The following SLC24A4 variants were observed in gnomAD, a reference collection of about 807,000 sequenced individuals.
SLC24A4 encodes the protein solute carrier family 24 member 4, also known as sodium/potassium/calcium exchanger 4.
SLC24A4 carries 53 observed loss-of-function variants against 79.0 expected under a neutral mutation model. The observed-to-expected ratio is 0.67, with a 90% CI of 0.54 to 0.84. SLC24A4 has a LOEUF of 0.84. SLC24A4 is among the 40% of genes least tolerant of loss of function. SLC24A4 has a pLI of 0.00. For synonymous variants in SLC24A4, 323 were observed against 323.8 expected (o/e 1.00, Z 0.03); for missense variants, 731 against 822.0 (o/e 0.89, Z 1.35).
intron 2 of SLC24A4, among the ~76,000 whole-genome samples, chr14:92,336,104 G>A (rs537512820): frequency 9.2e-5 from 14 of 152,116 alleles, no homozygotes; most frequent in African/African-American, 1.4e-4. Flanking sequence ...TTGATGCAGC[G>A]TGGCCTACCA....
Position 92,441,982 on chromosome 14 carries a change from T to A in SLC24A4, c.394-107T>A, listed in dbSNP as rs1170737927. On this transcript the variant is annotated intron_variant, in intron 4 of 16. Transcript: ENST00000532405. This position sits in a 1 kb window ranked among gnomAD's most constrained non-coding sequence, Gnocchi z 4.6. ...GAGGCTGCAGGCAGACGAGTTTGCC[T>A]CTGGCTGCAGCACTGCTCTCCTGCA... 1.2e-6 allele frequency: 1 copy of A among 850,182 alleles called. No individual in the cohort carries two copies. The highest frequency in any genetic ancestry group is 1.9e-6 in the Non-Finnish European group (1 of 527,844). 52.7% of individuals were successfully genotyped at this position (850,182 alleles called of 1,614,324 possible).
At chr14:92,385,235 G>A (rs1196474282) in intron 2 of SLC24A4, among the ~76,000 whole-genome samples, 1 of 152,138 alleles carries the variant, frequency 6.6e-6, no homozygotes, top group Non-Finnish European at 1.5e-5. Context: ...GGCCAGGCGC[G>A]GTGGCTCATG....
chr14:92,373,141 A>T (rs1435620263), intron 2 of SLC24A4, among the ~76,000 whole-genome samples: 1 of 150,994 alleles, frequency 6.6e-6, no homozygotes, highest in Non-Finnish European at 1.5e-5. Flanking sequence ...CTGGGATTAC[A>T]GGTGCCCACC....
At chr14:92,467,966 T>C (rs897740616) in intron 12 of SLC24A4, among the ~76,000 whole-genome samples, 5 of 152,168 alleles carry the variant, frequency 3.3e-5, no homozygotes, top group Non-Finnish European at 7.3e-5. Context: ...GGCACCCAGA[T>C]GAGAGAGGAA....
At chr14:92,429,094 C>A (rs1166127559) in intron 2 of SLC24A4, among the ~76,000 whole-genome samples, 4 of 152,098 alleles carry the variant, frequency 2.6e-5, no homozygotes. Context: ...TGCCCACTTT[C>A]TTATTTCTGC....
intron 12 of SLC24A4, among the ~76,000 whole-genome samples, chr14:92,469,102 A>T (rs1489219374): frequency 6.6e-6 from 1 of 152,158 alleles, no homozygotes; most frequent in Non-Finnish European, 1.5e-5. Flanking sequence ...TCATGATGAG[A>T]TGCCATTTCA....
intron 3 of SLC24A4, among the ~76,000 whole-genome samples, chr14:92,438,041 C>A (rs113187726): frequency 6.6e-6 from 1 of 152,264 alleles, no homozygotes; most frequent in East Asian, 1.9e-4. Flanking sequence ...CAGCAGACAC[C>A]AGCTGGGTGT....
At chr14:92,454,611 TG>T (rs1337326479) in intron 11 of SLC24A4, among the ~76,000 whole-genome samples, 1 of 152,272 alleles carries the variant, frequency 6.6e-6, no homozygotes, top group African/African-American at 2.4e-5. Flanking sequence ...CTTTGTTGCA[TG>T]TGTGCATTTT....
At chr14:92,487,754 A>G (rs985431681) in intron 14 of SLC24A4, among the ~76,000 whole-genome samples, 2 of 152,154 alleles carry the variant, frequency 1.3e-5, no homozygotes, top group African/African-American at 4.8e-5. Flanking sequence ...ACAGAAGTTC[A>G]TTGTCTCACA....
intron 2 of SLC24A4, among the ~76,000 whole-genome samples, chr14:92,349,047 AAG>A (rs1886712617): frequency 6.6e-6 from 1 of 152,154 alleles, no homozygotes; most frequent in African/African-American, 2.4e-5. Context: ...CACAAACAAA[AAG>A]GGGAAAATGG....
At chr14:92,437,285 T>C (rs1356171623) in intron 3 of SLC24A4, among the ~76,000 whole-genome samples, 1 of 152,226 alleles carries the variant, frequency 6.6e-6, no homozygotes, top group African/African-American at 2.4e-5. Context: ...GCCTTTGCAC[T>C]GCTGTTTCCT....
chr14:92,373,882 A>G (rs1233226277), intron 2 of SLC24A4, among the ~76,000 whole-genome samples: 2 of 152,160 alleles, frequency 1.3e-5, no homozygotes, highest in African/African-American at 4.8e-5. Context: ...AGTTTTGACA[A>G]TTGTCAACTT....
chr14:92,426,552 A>G (rs975297841), intron 2 of SLC24A4, among the ~76,000 whole-genome samples: 1 of 152,162 alleles, frequency 6.6e-6, no homozygotes, highest in Admixed American at 6.5e-5. Flanking sequence ...TTTCTTTTTC[A>G]TGGCACTGAA....
chr14:92,388,287 G>A (rs756572742), intron 2 of SLC24A4, among the ~76,000 whole-genome samples: 2 of 152,128 alleles, frequency 1.3e-5, no homozygotes, highest in Admixed American at 6.5e-5. Flanking sequence ...AAGGTGTGAC[G>A]CATAAAGGAG....
intron 12 of SLC24A4, among the ~76,000 whole-genome samples, chr14:92,476,488 G>T (rs183152587): frequency 1.3e-5 from 2 of 152,038 alleles, no homozygotes; most frequent in Admixed American, 1.3e-4. Context: ...TAATGATTTA[G>T]GAAGATTCTA....
chr14:92,326,380 G>A (rs910808333), intron 2 of SLC24A4, among the ~76,000 whole-genome samples: 1 of 152,140 alleles, frequency 6.6e-6, no homozygotes, highest in Non-Finnish European at 1.5e-5. Flanking sequence ...GTGCTTTGAG[G>A]TGGCCCACCA....
chr14:92,453,840 CCAG>C (rs1489704365), intron 10 of SLC24A4, 57 bp from the exon 11 acceptor site: 1 of 1,505,308 alleles, frequency 6.6e-7, no homozygotes, highest in Admixed American at 2.3e-5. Context: ...GTCAGTGGCC[CCAG>C]CACTTGGGTG....
intron 12 of SLC24A4, chr14:92,462,800 CAGAG>C (rs1893889100): frequency 6.6e-6 from 1 of 152,330 alleles, no homozygotes; most frequent in African/African-American, 2.4e-5. Context: ...AACTGAGGCA[CAGAG>C]AGGCTGAGTT....
chr14:92,427,542 G>C (rs371466279), intron 2 of SLC24A4, among the ~76,000 whole-genome samples: 3 of 152,238 alleles, frequency 2.0e-5, no homozygotes, highest in African/African-American at 7.2e-5. Context: ...CACCAGTTAC[G>C]GGTCAGTGCA....
Sources: gnomAD v4.1 joint callset for allele counts (sites outside exome capture counted in the v4.1 genomes callset) on GRCh38, gnomAD v4.1.1 for gene constraint, Gnocchi (gnomAD v3.1) non-coding constraint, MANE v1.5 for transcripts, NCBI Gene and HGNC (gene_info 2026-07-23, HGNC 2026-07-21) for gene names.